Variants in FAT3 observed in about 807,000 individuals in gnomAD.
FAT3 encodes the protein protocadherin Fat 3.
FAT3 carries 95 observed loss-of-function variants against 310.2 expected under a neutral mutation model. The ratio of observed to expected loss-of-function variants is 0.31; its 90% CI spans 0.26 to 0.36. The LOEUF (loss-of-function observed/expected upper bound fraction) is 0.36. Ranked by LOEUF, FAT3 falls within the 10% of genes least tolerant of loss-of-function variation. FAT3 has a pLI of 1.00. For synonymous variants in FAT3, 2,314 were observed against 2,192.9 expected (o/e 1.06, Z -1.54); for missense variants, 5,408 against 5,715.6 (o/e 0.95, Z 1.74).
intron 4 of FAT3, among the ~76,000 whole-genome samples, chr11:92,758,784 G>A (rs180843811): frequency 3.9e-5 from 6 of 152,308 alleles, no homozygotes; most frequent in Admixed American, 1.3e-4. Context: ...TTGGCATGGG[G>A]TGAGGGGTGT....
chr11:92,665,421 C>A (rs1372273547), intron 3 of FAT3, among the ~76,000 whole-genome samples: 1 of 152,210 alleles, frequency 6.6e-6, no homozygotes, highest in Non-Finnish European at 1.5e-5. Context: ...AGCAAGGTTT[C>A]TCTTTCTAAT....
At chr11:92,527,014 C>A (rs1272915142) in intron 3 of FAT3, among the ~76,000 whole-genome samples, 1 of 152,158 alleles carries the variant, frequency 6.6e-6, no homozygotes, top group Non-Finnish European at 1.5e-5. Flanking sequence ...GGGACCCAAA[C>A]TTATATGAAC....
intron 13 of FAT3, among the ~76,000 whole-genome samples, chr11:92,830,828 T>A (rs774401881): frequency 1.3e-5 from 2 of 152,026 alleles, no homozygotes; most frequent in African/African-American, 2.4e-5. Flanking sequence ...TCCTGCCAGC[T>A]CCACAATCAG....
chr11:92,445,302 C>T (rs1430549860), intron 2 of FAT3, among the ~76,000 whole-genome samples: 2 of 152,162 alleles, frequency 1.3e-5, no homozygotes, highest in Non-Finnish European at 2.9e-5. Context: ...AATGCTGATA[C>T]AGCTCCATCC....
intron 3 of FAT3, among the ~76,000 whole-genome samples, chr11:92,674,734 G>T (rs1943235818): frequency 6.6e-6 from 1 of 151,884 alleles, no homozygotes; most frequent in Non-Finnish European, 1.5e-5. Context: ...TCGCTATGTT[G>T]CTCAGCCTGG....
chr11:92,878,724 T>G (rs1005542259), intron 22 of FAT3, among the ~76,000 whole-genome samples: 1 of 104,944 alleles, frequency 9.5e-6, no homozygotes, highest in African/African-American at 3.5e-5. Flanking sequence ...TCAATAAAAG[T>G]GAAGGAGATA....
rs1433374307 is a variant in FAT3 at position 92,719,415 on chromosome 11, AC to A, written c.3669+21975del. On this transcript the variant is annotated intron_variant, in intron 4 of 27. Transcript: ENST00000525166. ...TATCCGTGGAGGATTGGTTCCAAGA[AC>A]CCCCTCAGATACCAAAATCAATGTA... Among the ~76,000 whole-genome samples, 3 of 151,968 alleles carry A rather than the reference AC, an allele frequency of 2.0e-5. No individual in the cohort carries two copies. In the East Asian group the frequency reaches 5.8e-4, roughly 30 times the overall value.
At chr11:92,345,850 G>T (rs2097278384) in intron 1 of FAT3, among the ~76,000 whole-genome samples, 1 of 151,928 alleles carries the variant, frequency 6.6e-6, no homozygotes, top group Non-Finnish European at 1.5e-5. Context: ...GTCTCAATCT[G>T]TTTCCTCAAT....
At chr11:92,717,199 T>G (rs755063478) in intron 4 of FAT3, among the ~76,000 whole-genome samples, 26 of 152,238 alleles carry the variant, frequency 1.7e-4, no homozygotes, top group Admixed American at 1.3e-3. Flanking sequence ...CATGTTTCTT[T>G]GTCCCCAGTA....
At chr11:92,621,297 T>G (rs1383123622) in intron 3 of FAT3, among the ~76,000 whole-genome samples, 1 of 151,506 alleles carries the variant, frequency 6.6e-6, no homozygotes, top group African/African-American at 2.4e-5. Context: ...ATTGAAGGAG[T>G]AGGAGAATTA....
In FAT3 at chr11:92,442,107, A is replaced by ATTTTTTT. The variant is rs1565320189; in HGVS notation, c.3293-82526_3293-82525insTTTTTTT. Among the ~76,000 whole-genome samples the ATTTTTTT allele has an allele frequency of 5.2e-3, 259 of 49,810 alleles. 5 individuals are homozygous for ATTTTTTT. Among genetic ancestry groups the ATTTTTTT allele is most frequent in the African/African-American group, 0.017 (116 of 6,806 alleles). 32.7% of individuals were successfully genotyped at this position (49,810 alleles called of 152,430 possible). A position where few individuals can be genotyped will look rare whatever the true frequency, so the allele number is the denominator to read the frequency against. On this transcript the variant is annotated intron_variant, in intron 2 of 27. Transcript: ENST00000525166. ...TATATATATATATATATATATATAT[A>ATTTTTTT]TATATTTTTTTTTTTTTTTTTTTTG...
rs2136084524 is a variant in FAT3, at chr11:92,761,973, C to A, written c.3787C>A (p.Leu1263Met). ...QFPEKVYQIKLPERDRKKRGE... is the reference protein window; with the variant it reads ...QFPEKVYQIKMPERDRKKRGE... Reference sequence around the variant, plus strand: ...CCCAGAGAAGGTCTACCAGATCAAGCTGCCAGAACGTGACCGAAAGAAGAG... The same window carrying A: ...CCCAGAGAAGGTCTACCAGATCAAGATGCCAGAACGTGACCGAAAGAAGAG... The change falls in exon 5 of 28, where the codon CTG (leucine) becomes ATG (methionine). Residue 1263 changes from leucine to methionine, a missense_variant. Leu to Met is a conservative substitution (Grantham distance 15). This residue lies in a region of FAT3 where 4,588 missense variants were observed against 4,809.8 expected (regional missense o/e 0.95). Coordinates refer to ENST00000525166, the MANE Select transcript of FAT3 (RefSeq NM_001367949.2). 4 of 1,613,980 alleles carry A rather than the reference C, an allele frequency of 2.5e-6. No homozygotes were observed. The highest frequency in any genetic ancestry group is 3.4e-6 in the Non-Finnish European group (4 of 1,179,886).
intron 4 of FAT3, among the ~76,000 whole-genome samples, chr11:92,756,729 T>A (rs956859018): frequency 5.3e-5 from 8 of 152,078 alleles, no homozygotes; most frequent in African/African-American, 1.9e-4. Flanking sequence ...GTGAGAAGTG[T>A]GCCCTCCCAC....
intron 6 of FAT3, among the ~76,000 whole-genome samples, chr11:92,771,884 T>C (rs940580489): frequency 1.3e-5 from 2 of 152,146 alleles, no homozygotes; most frequent in Non-Finnish European, 2.9e-5. Context: ...GCGATGATTA[T>C]GTATTTTTAT....
At chr11:92,690,289 G>A (rs921184515) in intron 3 of FAT3, among the ~76,000 whole-genome samples, 4 of 152,154 alleles carry the variant, frequency 2.6e-5, no homozygotes, top group African/African-American at 9.7e-5. Context: ...TCATACTTTG[G>A]TTTAAAATGT....
At chr11:92,530,125 A>G (rs1418186469) in intron 3 of FAT3, among the ~76,000 whole-genome samples, 1 of 152,214 alleles carries the variant, frequency 6.6e-6, no homozygotes, top group Non-Finnish European at 1.5e-5. Flanking sequence ...AGCTGCATAT[A>G]ACATCAGCAT....
chr11:92,803,928 A>G (rs531427987), intron 10 of FAT3, among the ~76,000 whole-genome samples: 7 of 152,260 alleles, frequency 4.6e-5, no homozygotes, highest in African/African-American at 1.7e-4. Flanking sequence ...AGGCCCTCAG[A>G]CTGAGCAGCC....
intron 27 of FAT3, among the ~76,000 whole-genome samples, chr11:92,890,131 T>C (rs145814006): frequency 4.1e-4 from 62 of 152,334 alleles, no homozygotes; most frequent in Non-Finnish European, 6.5e-4. Context: ...ACAGCACAGC[T>C]GATGGACCTC....
At chr11:92,812,478 A>G (rs1341408807) in intron 13 of FAT3, among the ~76,000 whole-genome samples, 1 of 152,032 alleles carries the variant, frequency 6.6e-6, no homozygotes, top group Non-Finnish European at 1.5e-5. Flanking sequence ...GCTACTCGGG[A>G]AGCTGAGGCA....
Sources: gnomAD v4.1 joint callset for allele counts (sites outside exome capture counted in the v4.1 genomes callset) on GRCh38, gnomAD v4.1.1 for gene constraint, gnomAD v4.1.1 regional missense constraint, MANE v1.5 for transcripts, NCBI Gene and HGNC (gene_info 2026-07-23, HGNC 2026-07-21) for gene names.